Variants in GLI1 observed in about 807,000 individuals in gnomAD.
GLI1 encodes the protein transcription activator GLI1.
In GLI1, 51 loss-of-function variants were observed where a neutral mutation model predicts 87.8. The ratio of observed to expected loss-of-function variants is 0.58; its 90% CI spans 0.46 to 0.73. The LOEUF (loss-of-function observed/expected upper bound fraction) is 0.73. Ranked by LOEUF, GLI1 falls within the 30% of genes least tolerant of loss-of-function variation. The probability of loss-of-function intolerance (pLI) is 0.00; values close to 1 mark genes in which losing one functional copy is unlikely to be tolerated. For missense variants in GLI1, 1,292 were observed against 1,437.2 expected (o/e 0.90, Z 1.63); for synonymous variants, 528 against 558.2 (o/e 0.95, Z 0.76).
rs1157295353 is a variant in GLI1, at chr12:57,463,650, C to T, written c.-27-15C>T. The T allele has an allele frequency of 5.1e-6, 6 of 1,180,824 alleles. No individual in the cohort carries two copies. The highest frequency in any genetic ancestry group is 2.3e-5 in the East Asian group (1 of 42,942). The allele number at this position is 1,180,824 out of a possible 1,614,324, so 73.1% of individuals were successfully genotyped here. On this transcript the variant is annotated splice_polypyrimidine_tract_variant and intron_variant, in intron 1 of 11. Transcript: ENST00000228682. ...CTATTTCCTCCACCTTTATACCTAC[C>T]TTCCCTTTCTGCAGTGTCCCCACAC... is the stretch of plus-strand genomic sequence containing the variant.
Position 57,468,014 on chromosome 12 carries a change from C to T in GLI1, c.1098C>T (p.Leu366=). The T allele has an allele frequency of 6.2e-7, 1 of 1,613,964 alleles. No individual in the cohort carries two copies. Among genetic ancestry groups the T allele is most frequent in the Non-Finnish European group, 8.5e-7 (1 of 1,179,842 alleles). ...AACAGAAGCCGTATGTATGTAAGCT[C>T]CCTGGCTGCACCAAACGCTATACAG... The part of the protein sequence containing the change: ...HSNEKPYVCK[L]PGCTKRYTDP... Residue 366 remains leucine, a synonymous_variant, in exon 10 of 12, where the codon CTC becomes CTT. Transcript: ENST00000228682.
At chr12:57,460,881 G>A (rs1266343010) in intron 1 of GLI1, among the ~76,000 whole-genome samples, 1 of 152,110 alleles carries the variant, frequency 6.6e-6, no homozygotes, top group Non-Finnish European at 1.5e-5. Context: ...GGAGGAGCCG[G>A]GGAGACCTTG....
rs1433035386 is a variant in GLI1, at chr12:57,471,914, G to T, written c.3174G>T (p.Gly1058=). Reference sequence around the variant, plus strand: ...TGGCTATTCTGGATGAGCCCCAGGGGCTGAGTCCTCCTCCTTCCCATGATC... The same window carrying T: ...TGGCTATTCTGGATGAGCCCCAGGGTCTGAGTCCTCCTCCTTCCCATGATC... ...DFVAILDEPQ[G]LSPPPSHDQR... The change falls in exon 12 of 12, where the codon GGG becomes GGT. Residue 1058 remains glycine, a synonymous_variant. Coordinates refer to ENST00000228682, the MANE Select transcript of GLI1 (RefSeq NM_005269.3). This position sits in a 1 kb window ranked among gnomAD's most constrained non-coding sequence, Gnocchi z 4.9. 1 of 1,611,716 alleles carries T rather than the reference G, an allele frequency of 6.2e-7. No homozygotes were observed. Among genetic ancestry groups the T allele is most frequent in the Non-Finnish European group, 8.5e-7 (1 of 1,178,866 alleles).
intron 10 of GLI1, 24 bp from the exon 11 acceptor site, chr12:57,469,407 C>A: frequency 6.2e-7 from 1 of 1,610,104 alleles, no homozygotes; most frequent in Admixed American, 1.7e-5. Flanking sequence ...AGGGTGTTGC[C>A]CTCAGACCTC....
chr12:57,463,838 C>T (rs749214868), intron 2 of GLI1, 47 bp downstream of exon 2: 43 of 1,172,898 alleles, frequency 3.7e-5, no homozygotes, highest in Admixed American at 3.5e-5. Context: ...TGGCAGATCT[C>T]CCACTTGGGC....
At chr12:57,466,469 T>G (rs763768014) in intron 8 of GLI1, 80 bp downstream of exon 8, 57 of 1,086,534 alleles carry the variant, frequency 5.2e-5, no homozygotes, top group Non-Finnish European at 7.5e-5. Context: ...GGCAGACTTT[T>G]GCTTTTATAA....
At chr12:57,463,287 G>C (rs1474460447) in intron 1 of GLI1, among the ~76,000 whole-genome samples, 4 of 152,072 alleles carry the variant, frequency 2.6e-5, no homozygotes, top group Non-Finnish European at 5.9e-5. Flanking sequence ...GCACCATCTC[G>C]GCTCACTGAA....
intron 1 of GLI1, among the ~76,000 whole-genome samples, chr12:57,461,333 C>T (rs1007318400): frequency 6.6e-6 from 1 of 151,960 alleles, no homozygotes; most frequent in African/African-American, 2.4e-5. Context: ...ACCTCTCCCC[C>T]TCCACCATTA....
chr12:57,468,883 C>G (rs1261455135), intron 10 of GLI1, among the ~76,000 whole-genome samples: 1 of 152,134 alleles, frequency 6.6e-6, no homozygotes, highest in African/African-American at 2.4e-5. Context: ...TCCTGAGTAG[C>G]TGGGACTACA....
At position 57,471,405 on chromosome 12, in the gene GLI1, T is replaced by C. The variant is rs2139868036; in HGVS notation, c.2665T>C (p.Ser889Pro). 1 of 1,613,402 alleles carries C rather than the reference T, an allele frequency of 6.2e-7. No individual in the cohort carries two copies. The highest frequency in any genetic ancestry group is 8.5e-7 in the Non-Finnish European group (1 of 1,179,674). Reference sequence around the variant, plus strand: ...CCTGGACTTTGATTCCCCCACCCATTCCACAGGGCAGCTCAAGGCTCAGCT... The same window carrying C: ...CCTGGACTTTGATTCCCCCACCCATCCCACAGGGCAGCTCAAGGCTCAGCT... ...PCLDFDSPTH[S>P]TGQLKAQLVC... The change falls in exon 12 of 12, where the codon TCC (serine) becomes CCC (proline). Residue 889 changes from serine to proline, a missense_variant. Ser to Pro is a moderately conservative substitution (Grantham distance 74, BLOSUM62 -1). This residue lies in a region of GLI1 where 897 missense variants were observed against 1,040.7 expected (regional missense o/e 0.86). Coordinates refer to ENST00000228682, the MANE Select transcript of GLI1 (RefSeq NM_005269.3). This position sits in a 1 kb window ranked among gnomAD's most constrained non-coding sequence, Gnocchi z 4.9.
intron 1 of GLI1, among the ~76,000 whole-genome samples, chr12:57,460,778 C>CGG (rs368903024): frequency 9.8e-5 from 4 of 40,886 alleles, no homozygotes; most frequent in Non-Finnish European, 2.0e-4. Context: ...GGGGCTGGGG[C>CGG]GGGGGGGGGC....
chr12:57,469,359 G>A (rs959623561), intron 10 of GLI1, 72 bp from the exon 11 acceptor site: 3 of 1,489,174 alleles, frequency 2.0e-6, no homozygotes, highest in Non-Finnish European at 2.8e-6. Context: ...CTGGGACACA[G>A]GCTTCAGCCA....
Position 57,459,942 on chromosome 12 carries a change from A to G in GLI1, c.-287A>G, listed in dbSNP as rs1380401521. 6.6e-6 allele frequency among the ~76,000 whole-genome samples: 1 copy of G among 152,078 alleles called. No individual in the cohort carries two copies. The highest frequency in any genetic ancestry group is 1.5e-5 in the Non-Finnish European group (1 of 68,006). Reference sequence around the variant, plus strand: ...GAAGGGAGGTGAGGGGCGAGCGGGAAGAGCGGCGGCGCGCCAGCGGCTGGA... The same window carrying G: ...GAAGGGAGGTGAGGGGCGAGCGGGAGGAGCGGCGGCGCGCCAGCGGCTGGA... On this transcript the variant is annotated 5_prime_UTR_variant, in exon 1 of 12. Transcript: ENST00000228682.
In GLI1 at chr12:57,467,463, G is replaced by C. The variant is rs745587766; in HGVS notation, c.1043G>C (p.Arg348Pro). The change falls in exon 9 of 12, where the codon CGA (arginine) becomes CCA (proline). Residue 348 changes from arginine to proline, a missense_variant. Around this residue, in one of 3 missense-constraint regions of GLI1, gnomAD observed 897 missense variants for 1,040.7 expected, o/e 0.86. Coordinates refer to ENST00000228682, the MANE Select transcript of GLI1 (RefSeq NM_005269.3). ...CSKAFSNASD[R>P]AKHQNRTHSN... ...AAAGCCTTCAGCAATGCCAGTGACC[G>C]AGCCAAGCACCAGAATCGGACCCAT... The C allele has an allele frequency of 6.2e-7, 1 of 1,609,570 alleles. No homozygotes were observed. Among genetic ancestry groups the C allele is most frequent in the South Asian group, 1.1e-5 (1 of 91,000 alleles).
intron 1 of GLI1, among the ~76,000 whole-genome samples, chr12:57,462,621 T>C (rs1871218433): frequency 6.6e-6 from 1 of 152,184 alleles, no homozygotes; most frequent in Non-Finnish European, 1.5e-5. Context: ...ATACTTCCTT[T>C]CCTGTTCCCC....
intron 8 of GLI1, 148 bp from the exon 9 acceptor site, chr12:57,467,185 C>G: frequency 3.4e-6 from 2 of 588,412 alleles, no homozygotes; most frequent in Non-Finnish European, 5.8e-6. Flanking sequence ...CTGCCCTTGT[C>G]CCCTAGTTTT....
chr12:57,467,388 G>A lies in GLI1; in HGVS notation c.968G>A (p.Arg323Gln), dbSNP rs1871564264. 5 of 1,612,734 alleles carry A rather than the reference G, an allele frequency of 3.1e-6. No individual in the cohort carries two copies. Among genetic ancestry groups the A allele is most frequent in the Non-Finnish European group, 4.2e-6 (5 of 1,178,928 alleles). Residue 323 changes from arginine (R) to glutamine (Q), a missense_variant, in exon 9 of 12, where the codon CGG becomes CAG. By Grantham distance (43) the Arg-to-Gln change is conservative. This residue lies in a region of GLI1 where 897 missense variants were observed against 1,040.7 expected (regional missense o/e 0.86). Transcript: ENST00000228682. ...CTCGAAAACCTGAAGACGCACCTGC[G>A]GTCACACACGGGTGAGAAGCCATAC... ...SRLENLKTHL[R>Q]SHTGEKPYMC...
Position 57,466,225 on chromosome 12 carries a change from T to C in GLI1, c.763-15T>C. The C allele has an allele frequency of 6.2e-7, 1 of 1,608,434 alleles. No individual in the cohort carries two copies. The highest frequency in any genetic ancestry group is 8.5e-7 in the Non-Finnish European group (1 of 1,176,436). On this transcript the variant is annotated splice_polypyrimidine_tract_variant and intron_variant, in intron 7 of 11. Coordinates refer to ENST00000228682, the MANE Select transcript of GLI1 (RefSeq NM_005269.3). ...ATGGGAGAGCCTTGGAGAGCCTTTG[T>C]ATCTTCTCCCTCAGCACATCAACAG...
At position 57,461,340 on chromosome 12, in the gene GLI1, A is replaced by T. The variant is rs557370592; in HGVS notation, c.-28+1139A>T. On this transcript the variant is annotated intron_variant, in intron 1 of 11. Transcript: ENST00000228682. ...GTCCAGAGACCTCTCCCCCTCCACCATTATCTCCCTGGCATCCCCGCCCTT... is the reference window on the plus strand; with the variant it reads ...GTCCAGAGACCTCTCCCCCTCCACCTTTATCTCCCTGGCATCCCCGCCCTT... Among the ~76,000 whole-genome samples the T allele has an allele frequency of 1.1e-4, 16 of 151,586 alleles. No individual in the cohort carries two copies. The South Asian group carries it at 2.5e-3, about 24-fold the overall frequency.
Sources: gnomAD v4.1 joint callset for allele counts (sites outside exome capture counted in the v4.1 genomes callset) on GRCh38, gnomAD v4.1.1 for gene constraint, gnomAD v4.1.1 regional missense constraint, Gnocchi (gnomAD v3.1) non-coding constraint, MANE v1.5 for transcripts, NCBI Gene and HGNC (gene_info 2026-07-23, HGNC 2026-07-21) for gene names.